Variants in FOXP2 observed in about 807,000 individuals in gnomAD.
FOXP2 encodes the protein forkhead box protein P2.
In FOXP2, 12 loss-of-function variants were observed where a neutral mutation model predicts 115.8. The observed-to-expected ratio is 0.10, with a 90% CI of 0.07 to 0.17. The LOEUF is 0.17. FOXP2 is among the 10% of genes least tolerant of loss of function. The pLI, the probability that FOXP2 is intolerant of heterozygous loss-of-function variation, is 1.00. For synonymous variants in FOXP2, 328 were observed against 297.7 expected, an observed-to-expected ratio of 1.10 and a Z score of -1.05; for missense variants, 629 against 843.5, an observed-to-expected ratio of 0.75 and a Z score of 3.15.
chr7:114,348,681 G>T lies in FOXP2; in HGVS notation c.-11+60572G>T, dbSNP rs11977165. Among the ~76,000 whole-genome samples, 11 of 152,176 alleles carry T rather than the reference G, an allele frequency of 7.2e-5. No homozygotes were observed. The South Asian group carries it at 2.3e-3, about 32-fold the overall frequency. The stretch of plus-strand genomic sequence containing the variant: ...GCCCAGCTTTCTTATCTGTAAAACT[G>T]TAAGATTAAAAGAGGCCAGACTGAA... On this transcript the variant is annotated intron_variant, in intron 2 of 17. Coordinates refer to the FOXP2 transcript ENST00000634411.
At chr7:114,352,362 A>G (rs1791514001) in intron 2 of FOXP2, among the ~76,000 whole-genome samples, 1 of 152,198 alleles carries the variant, frequency 6.6e-6, no homozygotes, top group Non-Finnish European at 1.5e-5. Flanking sequence ...AACGATCTTC[A>G]CATTGTGTTC....
chr7:114,438,466 C>T (rs1159280855), intron 2 of FOXP2, among the ~76,000 whole-genome samples: 25 of 151,720 alleles, frequency 1.6e-4, no homozygotes, highest in Admixed American at 1.6e-3. Context: ...ACCCATATGC[C>T]TATCCTTAAA....
chr7:114,545,971 C>A (rs530074820), intron 3 of FOXP2, among the ~76,000 whole-genome samples: 2 of 152,034 alleles, frequency 1.3e-5, no homozygotes, highest in South Asian at 4.1e-4. Flanking sequence ...TGTATCACAC[C>A]GAATCATAAT....
At chr7:114,552,519 A>G (rs1800260657) in intron 3 of FOXP2, among the ~76,000 whole-genome samples, 1 of 152,230 alleles carries the variant, frequency 6.6e-6, no homozygotes, top group South Asian at 2.1e-4. Context: ...ATATGCCAAA[A>G]GTTTTAACTT....
At chr7:114,671,671 A>G (rs6946881) in intron 16 of FOXP2, among the ~76,000 whole-genome samples, 19,321 of 151,250 alleles carry the variant, frequency 0.13, 2,747 homozygotes, top group African/African-American at 0.36. Context: ...TCCTACTTTC[A>G]GTACCAGGGA....
intron 6 of FOXP2, among the ~76,000 whole-genome samples, chr7:114,637,453 A>G (rs1805282612): frequency 6.6e-6 from 1 of 152,164 alleles, no homozygotes; most frequent in African/African-American, 2.4e-5. Flanking sequence ...AAAGTTGTCT[A>G]TTAATCATAA....
intron 3 of FOXP2, among the ~76,000 whole-genome samples, chr7:114,579,925 G>A (rs1801761308): frequency 6.6e-6 from 1 of 152,176 alleles, no homozygotes; most frequent in Admixed American, 6.5e-5. Flanking sequence ...ACTCTAAGGA[G>A]AGATTCAATC....
At chr7:114,536,574 A>T (rs1799410569) in intron 3 of FOXP2, among the ~76,000 whole-genome samples, 1 of 151,390 alleles carries the variant, frequency 6.6e-6, no homozygotes, top group Admixed American at 6.6e-5. Context: ...AATTTTGAGC[A>T]GAAGTGTCCA....
At chr7:114,566,332 A>G (rs1300803354) in intron 3 of FOXP2, among the ~76,000 whole-genome samples, 2 of 152,072 alleles carry the variant, frequency 1.3e-5, no homozygotes, top group Non-Finnish European at 2.9e-5. Flanking sequence ...TCATGTTGAA[A>G]TTTGACCCCC....
At chr7:114,385,164 C>T (rs1005577590) in intron 2 of FOXP2, among the ~76,000 whole-genome samples, 1 of 151,808 alleles carries the variant, frequency 6.6e-6, no homozygotes, top group Non-Finnish European at 1.5e-5. Flanking sequence ...ATACCTAAAT[C>T]GGGAGGGATA....
intron 2 of FOXP2, among the ~76,000 whole-genome samples, chr7:114,427,000 A>T (rs549565017): frequency 6.6e-6 from 1 of 151,626 alleles, no homozygotes; most frequent in Admixed American, 6.6e-5. Context: ...AGAACGTGAT[A>T]CTTAGTTTTC....
At chr7:114,651,074 A>G (rs1806223998) in intron 8 of FOXP2, among the ~76,000 whole-genome samples, 1 of 152,110 alleles carries the variant, frequency 6.6e-6, no homozygotes, top group African/African-American at 2.4e-5. Context: ...TCTTCAAGAA[A>G]TAAAAGTAAA....
At chr7:114,174,022 G>T (rs981826598) in intron 1 of FOXP2, among the ~76,000 whole-genome samples, 1 of 151,696 alleles carries the variant, frequency 6.6e-6, no homozygotes, top group African/African-American at 2.4e-5. Context: ...TCTTTATTTG[G>T]TTATATAAAA....
At chr7:114,390,711 C>T (rs1792574962) in intron 2 of FOXP2, among the ~76,000 whole-genome samples, 2 of 151,850 alleles carry the variant, frequency 1.3e-5, no homozygotes, top group South Asian at 4.2e-4. Flanking sequence ...CCTATGGCTA[C>T]ACCTAGCTGA....
chr7:114,324,654 T>C (rs1214371533), intron 2 of FOXP2, among the ~76,000 whole-genome samples: 1 of 151,898 alleles, frequency 6.6e-6, no homozygotes, highest in Non-Finnish European at 1.5e-5. Flanking sequence ...TATCTATCTA[T>C]GAATGGAATT....
At chr7:114,164,823 A>G (rs562543774) in intron 1 of FOXP2, among the ~76,000 whole-genome samples, 1 of 152,250 alleles carries the variant, frequency 6.6e-6, no homozygotes, top group Admixed American at 6.5e-5. Context: ...GAGGTTGATG[A>G]AGAATTGGAA....
At chr7:114,144,421 A>G (rs978774738) in intron 1 of FOXP2, among the ~76,000 whole-genome samples, 2 of 152,144 alleles carry the variant, frequency 1.3e-5, no homozygotes, top group Admixed American at 6.6e-5. Context: ...TTAAATTTTA[A>G]TAGTCGTTAG....
chr7:114,643,597 G>A (rs1464313768), intron 7 of FOXP2, among the ~76,000 whole-genome samples: 1 of 152,072 alleles, frequency 6.6e-6, no homozygotes, highest in Non-Finnish European at 1.5e-5. Flanking sequence ...GTTTTTAGTT[G>A]TATAAAAATT....
chr7:114,552,265 A>G (rs576884308), intron 3 of FOXP2, among the ~76,000 whole-genome samples: 1 of 152,318 alleles, frequency 6.6e-6, no homozygotes, highest in East Asian at 1.9e-4. Context: ...TTTATAATAA[A>G]GGTAAGAGAT....
Sources: gnomAD v4.1 joint callset for allele counts (sites outside exome capture counted in the v4.1 genomes callset) on GRCh38, gnomAD v4.1.1 for gene constraint, MANE v1.5 for transcripts, NCBI Gene and HGNC (gene_info 2026-07-23, HGNC 2026-07-21) for gene names.